The following PTPRD variants were observed in gnomAD, a reference collection of about 807,000 sequenced individuals.
The protein encoded by PTPRD is receptor-type tyrosine-protein phosphatase delta.
Under a neutral mutation model 214.5 loss-of-function variants are expected in PTPRD, and 34 were observed. That is an observed-to-expected ratio of 0.16 (90% CI 0.12 to 0.21). PTPRD has a LOEUF of 0.21. Among genes scored for constraint, PTPRD ranks in the 10% least tolerant of loss-of-function variants. The pLI, the probability that PTPRD is intolerant of heterozygous loss-of-function variation, is 1.00. For missense variants in PTPRD, 2,545 were observed against 2,398.7 expected, an observed-to-expected ratio of 1.06 and a Z score of -1.27; for synonymous variants, 1,128 against 845.7, an observed-to-expected ratio of 1.33 and a Z score of -5.79.
chr9:10,361,368 C>G (rs1250123806), intron 2 of PTPRD, among the ~76,000 whole-genome samples: 4 of 152,222 alleles, frequency 2.6e-5, no homozygotes, highest in African/African-American at 9.6e-5. Flanking sequence ...TTTGATGTCA[C>G]AGATTTTCAG....
chr9:8,620,848 G>A (rs1002892181), intron 14 of PTPRD, among the ~76,000 whole-genome samples: 2 of 151,886 alleles, frequency 1.3e-5, no homozygotes, highest in Non-Finnish European at 2.9e-5. Context: ...ACCCCTCTAC[G>A]TGAGACTCAC....
chr9:9,107,748 G>T (rs1436823635), intron 10 of PTPRD, among the ~76,000 whole-genome samples: 2 of 152,136 alleles, frequency 1.3e-5, no homozygotes, highest in African/African-American at 4.8e-5. Flanking sequence ...TTTTGCTACA[G>T]AGATGATAGC....
At chr9:9,859,171 C>T (rs2062159600) in intron 5 of PTPRD, among the ~76,000 whole-genome samples, 1 of 152,194 alleles carries the variant, frequency 6.6e-6, no homozygotes, top group South Asian at 2.1e-4. Context: ...GTACCTGCTT[C>T]CCCTTTGCCT....
chr9:8,779,814 GTTT>G (rs369478924), intron 11 of PTPRD, among the ~76,000 whole-genome samples: 20,548 of 128,312 alleles, frequency 0.16, 1,392 homozygotes, highest in Admixed American at 0.2. Context: ...TGTTTTGTTG[GTTT>G]TTTTTTTTTT....
At chr9:9,134,216 G>A (rs935019470) in intron 10 of PTPRD, among the ~76,000 whole-genome samples, 3 of 148,166 alleles carry the variant, frequency 2.0e-5, no homozygotes, top group Non-Finnish European at 4.4e-5. Flanking sequence ...GGGACTACAG[G>A]TGCCCGCCAC....
intron 10 of PTPRD, among the ~76,000 whole-genome samples, chr9:9,152,032 C>T (rs2099877246): frequency 6.6e-6 from 1 of 152,096 alleles, no homozygotes; most frequent in Non-Finnish European, 1.5e-5. Flanking sequence ...ATAGCAGAGA[C>T]CTCTGTAAAA....
chr9:8,459,866 G>T (rs927858702), intron 33 of PTPRD, among the ~76,000 whole-genome samples: 6 of 152,036 alleles, frequency 3.9e-5, no homozygotes, highest in African/African-American at 1.2e-4. Context: ...GAAGAAAATT[G>T]GGAGACGATT....
chr9:10,463,692 G>A (rs1433631534), intron 2 of PTPRD, among the ~76,000 whole-genome samples: 2 of 151,916 alleles, frequency 1.3e-5, no homozygotes, highest in African/African-American at 4.8e-5. Flanking sequence ...TTGTTTCAGA[G>A]TTCTCTGCTG....
intron 3 of PTPRD, among the ~76,000 whole-genome samples, chr9:10,079,505 A>C (rs1031066442): frequency 6.6e-6 from 1 of 152,056 alleles, no homozygotes; most frequent in Admixed American, 6.6e-5. Context: ...TGTTTTTCAC[A>C]TGGCTCTTTT....
intron 11 of PTPRD, among the ~76,000 whole-genome samples, chr9:8,926,721 T>C (rs974298248): frequency 6.6e-6 from 1 of 152,246 alleles, no homozygotes; most frequent in Non-Finnish European, 1.5e-5. Context: ...AATATTTTTA[T>C]GTATATAACT....
intron 2 of PTPRD, among the ~76,000 whole-genome samples, chr9:10,483,372 G>A (rs1391954906): frequency 6.6e-6 from 1 of 151,834 alleles, no homozygotes; most frequent in East Asian, 1.9e-4. Flanking sequence ...ACTGGCCTAG[G>A]CAAATAATTT....
chr9:9,543,822 A>G (rs1053739308), intron 8 of PTPRD, among the ~76,000 whole-genome samples: 2 of 151,700 alleles, frequency 1.3e-5, no homozygotes, highest in Non-Finnish European at 3.0e-5. Context: ...AAACATGAAA[A>G]TAACTGCTTT....
At chr9:10,511,957 T>C (rs1159574903) in intron 2 of PTPRD, among the ~76,000 whole-genome samples, 3 of 74,456 alleles carry the variant, frequency 4.0e-5, no homozygotes, top group African/African-American at 1.3e-4. Context: ...CGTGTGTGTA[T>C]ATATATATAC....
intron 12 of PTPRD, among the ~76,000 whole-genome samples, chr9:8,696,089 C>G (rs2097905443): frequency 6.6e-6 from 1 of 152,186 alleles, no homozygotes; most frequent in Admixed American, 6.5e-5. Context: ...GAAACTGGAT[C>G]AGCAGAGACA....
intron 2 of PTPRD, among the ~76,000 whole-genome samples, chr9:10,464,177 A>G (rs35343838): frequency 6.6e-6 from 1 of 151,978 alleles, no homozygotes; most frequent in Admixed American, 6.6e-5. Flanking sequence ...GCGGGTGGAT[A>G]ACTTGAGGTC....
At chr9:9,876,688 G>C (rs922775908) in intron 5 of PTPRD, among the ~76,000 whole-genome samples, 4 of 152,050 alleles carry the variant, frequency 2.6e-5, no homozygotes, top group Non-Finnish European at 5.9e-5. Context: ...TTGTCATTTT[G>C]GGAGCTCTTT....
At chr9:10,552,093 T>C (rs1483299363) in intron 2 of PTPRD, among the ~76,000 whole-genome samples, 1 of 152,204 alleles carries the variant, frequency 6.6e-6, no homozygotes, top group Non-Finnish European at 1.5e-5. Context: ...CTCAAATGAA[T>C]GATTGTCTCT....
chr9:9,664,015 T>A (rs898131119), intron 7 of PTPRD, among the ~76,000 whole-genome samples: 1 of 150,774 alleles, frequency 6.6e-6, no homozygotes, highest in African/African-American at 2.4e-5. Flanking sequence ...TACTTTGGAT[T>A]ATGTTCACTG....
intron 5 of PTPRD, among the ~76,000 whole-genome samples, chr9:9,910,840 GAGA>G (rs1370937223): frequency 1.3e-5 from 2 of 152,028 alleles, no homozygotes; most frequent in Non-Finnish European, 2.9e-5. Flanking sequence ...TTGGAAAACT[GAGA>G]AGTTCTGAGT....
Sources: allele counts gnomAD v4.1 joint callset (sites outside exome capture counted in the v4.1 genomes callset), GRCh38; gene constraint gnomAD v4.1.1; transcripts MANE v1.5; gene names NCBI Gene and HGNC (gene_info 2026-07-23, HGNC 2026-07-21).